TXNL4A: variants seen among roughly 807,000 people sequenced by gnomAD.
The protein encoded by TXNL4A is thioredoxin like 4A, also known as thioredoxin-like protein 4A.
TXNL4A carries 17 observed loss-of-function variants against 14.6 expected under a neutral mutation model. The observed-to-expected ratio is 1.16, with a 90% CI of 0.80 to 1.74. The LOEUF (loss-of-function observed/expected upper bound fraction) is 1.74, where lower values mean the gene tolerates loss of function less well. Among genes scored for constraint, TXNL4A ranks in the 40% most tolerant of loss-of-function variants. The pLI is 0.00. For missense variants in TXNL4A, 74 were observed against 195.2 expected (o/e 0.38, Z 3.70); for synonymous variants, 83 against 70.6 (o/e 1.18, Z -0.88).
Position 80,011,474 on chromosome 18 carries a change from C to T in TXNL4A, c.-61+22377G>A, listed in dbSNP as rs2051769193. ...GCTACAGAATTTTGGATTGTTGTGC[C>T]TTTATGGCTGCTACAGTTGCCTTCC... is the stretch of plus-strand genomic sequence containing the variant. On this transcript the variant is annotated intron_variant, in intron 1 of 2. Transcript: ENST00000585474. The surrounding 1 kb of genome is among the most constrained non-coding windows in gnomAD (Gnocchi z 4.1). Among the ~76,000 whole-genome samples the T allele has an allele frequency of 6.6e-6, 1 of 152,178 alleles. No homozygotes were observed. The highest frequency in any genetic ancestry group is 2.4e-5 in the African/African-American group (1 of 41,440).
chr18:79,974,303 T>C (rs1400596403), intron 2 of TXNL4A, among the ~76,000 whole-genome samples: 2 of 152,248 alleles, frequency 1.3e-5, no homozygotes, highest in Non-Finnish European at 2.9e-5. Context: ...AGTGCTCTTA[T>C]GAGCAATGAC....
intron 1 of TXNL4A, among the ~76,000 whole-genome samples, chr18:79,998,257 C>T (rs1568373702): frequency 1.3e-5 from 2 of 151,580 alleles, no homozygotes; most frequent in Non-Finnish European, 2.9e-5. Context: ...TGCACCACTG[C>T]ACTCCAGACT....
intron 1 of TXNL4A, among the ~76,000 whole-genome samples, chr18:80,027,955 T>C (rs2051895862): frequency 6.6e-6 from 1 of 152,224 alleles, no homozygotes; most frequent in African/African-American, 2.4e-5. Flanking sequence ...AATTCTTCTT[T>C]ATGACTCAAA....
At chr18:80,017,172 T>C (rs1418686217) in intron 1 of TXNL4A, among the ~76,000 whole-genome samples, 3 of 151,706 alleles carry the variant, frequency 2.0e-5, no homozygotes, top group South Asian at 2.1e-4. Flanking sequence ...TTGTCTGTTA[T>C]TGGTGTATAA....
At chr18:79,980,753 G>A (rs1163452764) in intron 1 of TXNL4A, among the ~76,000 whole-genome samples, 1 of 151,746 alleles carries the variant, frequency 6.6e-6, no homozygotes, top group Non-Finnish European at 1.5e-5. Flanking sequence ...ACCCCAAGGT[G>A]AGCACACGGC....
chr18:80,005,086 G>T (rs1022125337), intron 1 of TXNL4A, among the ~76,000 whole-genome samples: 2 of 152,348 alleles, frequency 1.3e-5, no homozygotes, highest in East Asian at 3.9e-4. Context: ...AGACACAGAC[G>T]TGCAGTAGAA....
chr18:79,973,888 T>C (rs1757274191), intron 2 of TXNL4A, 32 bp from the exon 3 acceptor site: 4 of 1,601,566 alleles, frequency 2.5e-6, no homozygotes, highest in South Asian at 1.1e-5. Context: ...TCCATTCTCA[T>C]AGAAGTCTCT....
intron 1 of TXNL4A, among the ~76,000 whole-genome samples, chr18:80,006,875 G>T (rs2051734777): frequency 6.6e-6 from 1 of 152,202 alleles, no homozygotes; most frequent in Admixed American, 6.5e-5. Flanking sequence ...GGAAGAAGCG[G>T]CCAACTCATC....
chr18:79,984,884 A>T (rs956468462), intron 1 of TXNL4A, among the ~76,000 whole-genome samples: 1 of 152,252 alleles, frequency 6.6e-6, no homozygotes, highest in Non-Finnish European at 1.5e-5. Flanking sequence ...AACCCCAAGC[A>T]CTGCTGTGAG....
chr18:80,008,577 C>T (rs186386380), intron 1 of TXNL4A, among the ~76,000 whole-genome samples: 17 of 152,088 alleles, frequency 1.1e-4, no homozygotes, highest in East Asian at 3.9e-4. Flanking sequence ...CCTTCCTCTC[C>T]CCCTTCCTGT....
intron 1 of TXNL4A, among the ~76,000 whole-genome samples, chr18:79,985,615 T>C (rs2051535497): frequency 6.6e-6 from 1 of 152,224 alleles, no homozygotes. Flanking sequence ...TAGCAAACTC[T>C]AGGCATCTGT....
intron 1 of TXNL4A, among the ~76,000 whole-genome samples, chr18:80,022,311 TTTTTC>T (rs1487767642): frequency 6.6e-6 from 1 of 152,126 alleles, no homozygotes; most frequent in Non-Finnish European, 1.5e-5. Flanking sequence ...CCCAAGGGTT[TTTTTC>T]TTGACTCTGG....
Position 79,988,310 on chromosome 18 carries a change from A to G in TXNL4A, c.83T>C (p.Ile28Thr). The change falls in exon 1 of 3, where the codon ATC becomes ACC. Residue 28 changes from isoleucine to threonine, a missense_variant. Ile to Thr is a moderately conservative substitution (Grantham distance 89, BLOSUM62 -1). This residue lies in a region of TXNL4A where 55 missense variants were observed against 116.1 expected (regional missense o/e 0.47). Coordinates refer to ENST00000269601, the MANE Select transcript of TXNL4A (RefSeq NM_006701.5). ...ILSEEDRVVV[I>T]RFGHDWDPTC... ...AGGATCCCAGTCGTGGCCGAAGCGG[A>G]TGACGACCACGCGGTCCTCCTCCGA... 1.2e-6 allele frequency: 2 copies of G among 1,603,570 alleles called. No homozygotes were observed. The highest frequency in any genetic ancestry group is 1.1e-5 in the South Asian group (1 of 89,606).
In TXNL4A at chr18:80,015,238, T is replaced by C. The variant is rs187549592; in HGVS notation, c.-61+18613A>G. Reference sequence around the variant, plus strand: ...ACTTATGCAGATTTCTGCAGCCAGCTTGAATTTCTCCTCAAAAAAAAAAAT... The same window carrying C: ...ACTTATGCAGATTTCTGCAGCCAGCCTGAATTTCTCCTCAAAAAAAAAAAT... On this transcript the variant is annotated intron_variant, in intron 1 of 2. Coordinates refer to the TXNL4A transcript ENST00000585474. Among the ~76,000 whole-genome samples the C allele has an allele frequency of 2.4e-3, 360 of 152,256 alleles. 1 individual carries two copies. Among genetic ancestry groups the C allele is most frequent in the African/African-American group, 8.4e-3 (349 of 41,562 alleles).
At chr18:79,990,313 C>A (rs1034389050), upstream of TXNL4A, among the ~76,000 whole-genome samples, 2 of 152,226 alleles carry the variant, frequency 1.3e-5, no homozygotes, top group Admixed American at 6.5e-5. Context: ...AAATCTCTTT[C>A]ATTTTATAAT....
intron 1 of TXNL4A, chr18:79,986,706 TGCCGGCAGCA>T: frequency 1.0e-6 from 1 of 985,492 alleles, no homozygotes; most frequent in Non-Finnish European, 1.2e-6. Flanking sequence ...AGCCTCGAGC[TGCCGGCAGCA>T]GGATCTGAAC....
At chr18:80,001,878 T>C (rs762141771) in intron 1 of TXNL4A, among the ~76,000 whole-genome samples, 1 of 152,174 alleles carries the variant, frequency 6.6e-6, no homozygotes, top group Non-Finnish European at 1.5e-5. Flanking sequence ...ACTTTTGAGT[T>C]AATGCTAAAA....
At position 79,982,661 on chromosome 18, in the gene TXNL4A, T is replaced by G. The variant is rs559906305; in HGVS notation, c.154-4960A>C. Among the ~76,000 whole-genome samples, 1 of 152,242 alleles carries G rather than the reference T, an allele frequency of 6.6e-6. No homozygotes were observed. Among genetic ancestry groups the G allele is most frequent in the African/African-American group, 2.4e-5 (1 of 41,514 alleles). Reference sequence around the variant, plus strand: ...ATGGGAACGGGGACACTGCAGGGGCTGAAGGACTGAGGAACAGAGGACTTC... The same window carrying G: ...ATGGGAACGGGGACACTGCAGGGGCGGAAGGACTGAGGAACAGAGGACTTC... On this transcript the variant is annotated intron_variant, in intron 1 of 2. Coordinates refer to ENST00000269601, the MANE Select transcript of TXNL4A (RefSeq NM_006701.5). The surrounding 1 kb of genome is among the most constrained non-coding windows in gnomAD (Gnocchi z 4.0).
In TXNL4A at chr18:79,972,445, C is replaced by A. The variant is rs2051312140; in HGVS notation, c.*1240G>T. The A allele has an allele frequency of 1.3e-5, 2 of 152,366 alleles. No homozygotes were observed. Among genetic ancestry groups the A allele is most frequent in the African/African-American group, 4.8e-5 (2 of 41,440 alleles). 9.4% of individuals were successfully genotyped at this position (152,366 alleles called of 1,614,324 possible). ...CTAGGATGACAGAGGGCAAGAGAAA[C>A]CTGAGACTGTAATAAGGACATTTTC... On this transcript the variant is annotated 3_prime_UTR_variant, in exon 3 of 3. Transcript: ENST00000269601.
Sources: gnomAD v4.1 joint callset for allele counts (sites outside exome capture counted in the v4.1 genomes callset) on GRCh38, gnomAD v4.1.1 for gene constraint, gnomAD v4.1.1 regional missense constraint, Gnocchi (gnomAD v3.1) non-coding constraint, MANE v1.5 for transcripts, NCBI Gene and HGNC (gene_info 2026-07-23, HGNC 2026-07-21) for gene names.